The following TOMM34 variants were observed in gnomAD, a reference collection of about 807,000 sequenced individuals.
TOMM34 encodes the protein translocase of outer mitochondrial membrane 34.
In TOMM34, 24 loss-of-function variants were observed where a neutral mutation model predicts 37.4. That is an observed-to-expected ratio of 0.64 (90% confidence interval 0.46 to 0.90). The LOEUF (loss-of-function observed/expected upper bound fraction) is 0.90, where lower values mean the gene tolerates loss of function less well. Among genes scored for constraint, TOMM34 ranks in the 40% least tolerant of loss-of-function variants. The pLI is 0.00. For missense variants in TOMM34, 304 were observed against 375.6 expected (o/e 0.81, Z 1.58); for synonymous variants, 154 against 148.9 (o/e 1.03, Z -0.25).
chr20:44,944,992 A>T (rs1284810297), intron 5 of TOMM34, among the ~76,000 whole-genome samples: 1 of 152,160 alleles, frequency 6.6e-6, no homozygotes, highest in African/African-American at 2.4e-5. Flanking sequence ...CCCCACTGCA[A>T]GATAGTTAAT....
chr20:44,943,443 T>TC lies in TOMM34; in HGVS notation c.825+9_825+10insG. ...TATGTTGGGACCTTTTGGCCAGGAT[T>TC]TTTTTTTACCTTGAGTGCTTTGTGG... On this transcript the variant is annotated intron_variant, in intron 6 of 6. Coordinates refer to ENST00000372813, the MANE Select transcript of TOMM34 (RefSeq NM_006809.5). 1 of 1,614,012 alleles carries TC rather than the reference T, an allele frequency of 6.2e-7. No individual in the cohort carries two copies. Among genetic ancestry groups the TC allele is most frequent in the East Asian group, 2.2e-5 (1 of 44,874 alleles).
At chr20:44,943,718 C>T in intron 5 of TOMM34, 139 bp from the exon 6 acceptor site, 1 of 1,314,882 alleles carries the variant, frequency 7.6e-7, no homozygotes, top group South Asian at 1.4e-5. Context: ...TAAATCCTCA[C>T]AACAATCCTA....
rs748715499 is a variant in TOMM34, at chr20:44,960,357, G to A, written c.-24C>T. ...ATCCCGTGGCCAGGCCGGCGAGTTG[G>A]GAGCTCCTTCCTTCCTCCCCCGTGT... On this transcript the variant is annotated 5_prime_UTR_variant, in exon 1 of 7. Transcript: ENST00000372813. 108 of 1,543,196 alleles carry A rather than the reference G, an allele frequency of 7.0e-5. No individual in the cohort carries two copies. The highest frequency in any genetic ancestry group is 8.0e-5 in the Non-Finnish European group (91 of 1,142,818).
intron 5 of TOMM34, among the ~76,000 whole-genome samples, chr20:44,947,483 C>A (rs906300090): frequency 2.6e-5 from 4 of 152,162 alleles, no homozygotes; most frequent in East Asian, 1.9e-4. Context: ...GACCATATTA[C>A]CTCACTAAAA....
chr20:44,949,960 G>A (rs570336625), intron 4 of TOMM34, among the ~76,000 whole-genome samples: 1 of 152,152 alleles, frequency 6.6e-6, no homozygotes, highest in Non-Finnish European at 1.5e-5. Flanking sequence ...AGATTCATCT[G>A]TGTTGATGCA....
chr20:44,954,978 C>T (rs757213105), intron 3 of TOMM34, 90 bp downstream of exon 3: 17 of 1,463,954 alleles, frequency 1.2e-5, no homozygotes, highest in Non-Finnish European at 1.6e-5. Flanking sequence ...CAAAGGGATC[C>T]CCTCAGAAGA....
intron 5 of TOMM34, among the ~76,000 whole-genome samples, chr20:44,946,776 C>T (rs1386384153): frequency 6.6e-6 from 1 of 152,170 alleles, no homozygotes; most frequent in Non-Finnish European, 1.5e-5. Context: ...AAATGTTAGC[C>T]ACAATGGCTG....
At chr20:44,957,696 G>A (rs1027792356) in intron 1 of TOMM34, among the ~76,000 whole-genome samples, 6 of 151,910 alleles carry the variant, frequency 3.9e-5, no homozygotes, top group Non-Finnish European at 8.8e-5. Flanking sequence ...AGGCTGAAGT[G>A]TAGTAGCACA....
chr20:44,946,628 A>G (rs1286266173), intron 5 of TOMM34, among the ~76,000 whole-genome samples: 1 of 152,214 alleles, frequency 6.6e-6, no homozygotes, highest in Non-Finnish European at 1.5e-5. Context: ...AGGGCTGGCA[A>G]GTTGTAGGTG....
chr20:44,958,150 G>A (rs201809732), intron 1 of TOMM34, among the ~76,000 whole-genome samples: 5 of 79,500 alleles, frequency 6.3e-5, no homozygotes, highest in African/African-American at 2.3e-4. Flanking sequence ...ATATATGTGT[G>A]TGTGTGTGTG....
At chr20:44,950,574 C>T (rs2067017696) in intron 4 of TOMM34, among the ~76,000 whole-genome samples, 1 of 152,140 alleles carries the variant, frequency 6.6e-6, no homozygotes, top group African/African-American at 2.4e-5. Flanking sequence ...GGTAGGTGCA[C>T]TGATTTAAAG....
At chr20:44,946,354 C>T (rs1199756166) in intron 5 of TOMM34, among the ~76,000 whole-genome samples, 1 of 152,168 alleles carries the variant, frequency 6.6e-6, no homozygotes, top group African/African-American at 2.4e-5. Flanking sequence ...TAAAATAAAC[C>T]CCCTTGACTT....
At chr20:44,948,360 A>G (rs994505653) in intron 5 of TOMM34, among the ~76,000 whole-genome samples, 1 of 152,252 alleles carries the variant, frequency 6.6e-6, no homozygotes, top group Non-Finnish European at 1.5e-5. Context: ...AAATGGTGCC[A>G]GAATTTCTAA....
At chr20:44,946,605 T>C (rs143611612) in intron 5 of TOMM34, among the ~76,000 whole-genome samples, 136 of 152,336 alleles carry the variant, frequency 8.9e-4, no homozygotes, top group African/African-American at 3.1e-3. Flanking sequence ...GAGATTCTTA[T>C]GACAGCTGTT....
At position 44,951,838 on chromosome 20, in the gene TOMM34, T is replaced by C; in HGVS notation, c.545A>G (p.Asn182Ser). Residue 182 changes from asparagine to serine, a missense_variant, in exon 4 of 7, where the codon AAC (asparagine) becomes AGC (serine). Transcript: ENST00000372813. The part of the protein sequence containing the change: ...SKSKETTATK[N>S]RVPSAGDVEK... The stretch of plus-strand genomic sequence containing the variant: ...GGCAGGGAGTCACAGCTCACCTCTG[T>C]TCTTTGTAGCTGTGGTTTCTTTGGA... 1 of 1,613,686 alleles carries C rather than the reference T, an allele frequency of 6.2e-7. No homozygotes were observed. The highest frequency in any genetic ancestry group is 8.5e-7 in the Non-Finnish European group (1 of 1,179,734).
intron 4 of TOMM34, 93 bp from the exon 5 acceptor site, chr20:44,948,970 T>C: frequency 6.9e-7 from 1 of 1,451,150 alleles, no homozygotes; most frequent in Non-Finnish European, 9.2e-7. Context: ...CCAAACTGAC[T>C]ACAATCCTCT....
At chr20:44,960,144 C>A (rs1434415957) in intron 1 of TOMM34, 63 bp downstream of exon 1, 14 of 1,504,590 alleles carry the variant, frequency 9.3e-6, no homozygotes, top group Non-Finnish European at 1.2e-5. Context: ...GCGCGAGGCC[C>A]GGGCGGTGGT....
Position 44,958,146 on chromosome 20 carries a change from G to GTATATGTATATA in TOMM34, c.128-1662_128-1661insTATATACATATA, listed in dbSNP as rs1257491918. On this transcript the variant is annotated intron_variant, in intron 1 of 6. Coordinates refer to ENST00000372813, the MANE Select transcript of TOMM34 (RefSeq NM_006809.5). ...TATATATATGTATATGTATATATAT[G>GTATATGTATATA]TGTGTGTGTGTGTGTGTGTTAACAG... Among the ~76,000 whole-genome samples, 492 of 146,986 alleles carry GTATATGTATATA rather than the reference G, an allele frequency of 3.3e-3. 6 individuals carry two copies. Among genetic ancestry groups the GTATATGTATATA allele is most frequent in the African/African-American group, 0.012 (478 of 39,952 alleles).
At chr20:44,954,929 C>A in intron 3 of TOMM34, 139 bp downstream of exon 3, 1 of 1,077,648 alleles carries the variant, frequency 9.3e-7, no homozygotes, top group Non-Finnish European at 1.3e-6. Context: ...CCTTTCTCAG[C>A]TTCCCCTACA....
Sources: allele counts gnomAD v4.1 joint callset (sites outside exome capture counted in the v4.1 genomes callset), GRCh38; gene constraint gnomAD v4.1.1; transcripts MANE v1.5; gene names NCBI Gene and HGNC (gene_info 2026-07-23, HGNC 2026-07-21).